The following MPDZ variants were observed in gnomAD, a reference collection of about 807,000 sequenced individuals.
MPDZ encodes multiple PDZ domain crumbs cell polarity complex component.
Under a neutral mutation model 239.1 loss-of-function variants are expected in MPDZ, and 234 were observed. The observed-to-expected ratio is 0.98, with a 90% confidence interval of 0.88 to 1.09. The LOEUF (loss-of-function observed/expected upper bound fraction) is 1.09, where lower values mean the gene tolerates loss of function less well. Among genes scored for constraint, MPDZ ranks in the 50% least tolerant of loss-of-function variants. The pLI, the probability that MPDZ is intolerant of heterozygous loss-of-function variation, is 0.00. For synonymous variants in MPDZ, 1,048 were observed against 881.3 expected (o/e 1.19, Z -3.35); for missense variants, 3,175 against 2,510.0 (o/e 1.26, Z -5.66).
chr9:13,109,110 T>A, intron 45 of MPDZ, 51 bp from the exon 46 acceptor site: 8 of 1,221,744 alleles, frequency 6.5e-6, no homozygotes, highest in Non-Finnish European at 7.4e-6. Context: ...AAAAAAACTA[T>A]ACATATATGT....
chr9:13,212,291 C>T (rs1425447858), intron 10 of MPDZ, among the ~76,000 whole-genome samples: 1 of 151,988 alleles, frequency 6.6e-6, no homozygotes, highest in Non-Finnish European at 1.5e-5. Context: ...ATGGAACAGT[C>T]ATGAACTTTT....
At chr9:13,141,391 T>C (rs1255259751) in intron 27 of MPDZ, among the ~76,000 whole-genome samples, 1 of 152,148 alleles carries the variant, frequency 6.6e-6, no homozygotes, top group Admixed American at 6.5e-5. Flanking sequence ...CATTATATCA[T>C]GTTGTCTCCT....
chr9:13,176,817 T>C (rs941111694), intron 19 of MPDZ, among the ~76,000 whole-genome samples: 3 of 152,266 alleles, frequency 2.0e-5, no homozygotes, highest in African/African-American at 7.2e-5. Context: ...AAGTTCCCAT[T>C]TATTATGAGC....
intron 24 of MPDZ, among the ~76,000 whole-genome samples, chr9:13,154,754 T>C (rs1949618518): frequency 6.6e-6 from 1 of 152,092 alleles, no homozygotes; most frequent in Admixed American, 6.6e-5. Flanking sequence ...AATGAGCAAA[T>C]GTTCACCCTA....
At chr9:13,177,029 C>T (rs983420865) in intron 19 of MPDZ, among the ~76,000 whole-genome samples, 4 of 152,064 alleles carry the variant, frequency 2.6e-5, no homozygotes, top group Non-Finnish European at 5.9e-5. Flanking sequence ...AAAATGTATG[C>T]TCTAAATCCA....
At chr9:13,195,203 G>A (rs1955492091) in intron 13 of MPDZ, among the ~76,000 whole-genome samples, 1 of 152,082 alleles carries the variant, frequency 6.6e-6, no homozygotes, top group Admixed American at 6.6e-5. Context: ...CAGGAGAAAA[G>A]TTTGAGCCCT....
intron 17 of MPDZ, among the ~76,000 whole-genome samples, chr9:13,187,519 G>A (rs1031085091): frequency 2.6e-5 from 4 of 151,940 alleles, no homozygotes; most frequent in Non-Finnish European, 4.4e-5. Context: ...TTACAAGCCT[G>A]GTTCGATTTC....
rs1954745637 is a variant in MPDZ, at chr9:13,190,406, C to T, written c.1969-107G>A. On this transcript the variant is annotated intron_variant, in intron 15 of 46. Coordinates refer to ENST00000319217, the MANE Select transcript of MPDZ (RefSeq NM_001378778.1). ...CCCAGCATCTGTCCAAACAAAACATCCTCAAACAAGAGTAGCAACAGCTTT... is the reference window on the plus strand; with the variant it reads ...CCCAGCATCTGTCCAAACAAAACATTCTCAAACAAGAGTAGCAACAGCTTT... 14 of 980,340 alleles carry T rather than the reference C, an allele frequency of 1.4e-5. No homozygotes were observed. In the South Asian group the frequency reaches 6.0e-4, roughly 42 times the overall value. The allele number at this position is 980,340 out of a possible 1,614,324, so 60.7% of individuals were successfully genotyped here.
chr9:13,146,549 C>A (rs1948459440), intron 26 of MPDZ, among the ~76,000 whole-genome samples: 1 of 152,020 alleles, frequency 6.6e-6, no homozygotes, highest in Non-Finnish European at 1.5e-5. Context: ...TTAAAGACAA[C>A]CAACCCTAAA....
chr9:13,107,082 T>G lies in MPDZ; in HGVS notation c.6096A>C (p.Lys2032Asn). 1 of 1,583,470 alleles carries G rather than the reference T, an allele frequency of 6.3e-7. No homozygotes were observed. Among genetic ancestry groups the G allele is most frequent in the Non-Finnish European group, 8.6e-7 (1 of 1,156,662 alleles). ...TGACAGCAATGATCTGATCGCCCCT[T>G]TTCAGACGTCCGTCTTCAGAGGCTG... is the stretch of plus-strand genomic sequence containing the variant. The part of the protein sequence containing the change: ...KGAASEDGRL[K>N]RGDQIIAVNG... The change falls in exon 47 of 47, where the codon AAA becomes AAC. Residue 2032 changes from lysine (K) to asparagine (N), a missense_variant. Coordinates refer to ENST00000319217, the MANE Select transcript of MPDZ (RefSeq NM_001378778.1).
chr9:13,196,895 A>G (rs1014381694), intron 12 of MPDZ, among the ~76,000 whole-genome samples: 3 of 151,962 alleles, frequency 2.0e-5, no homozygotes, highest in Admixed American at 1.3e-4. Flanking sequence ...AAAGATTTCC[A>G]TATTTCATAA....
rs774006158 is a variant in MPDZ, at chr9:13,190,204, T to C, written c.2064A>G (p.Gln688=). Residue 688 remains glutamine (Q), a synonymous_variant, in exon 16 of 47, where the codon CAA becomes CAG. Coordinates refer to ENST00000319217, the MANE Select transcript of MPDZ (RefSeq NM_001378778.1). ...CAGCCTCCCACATGGCCAAAGGTGC[T>C]TGAACCTCTTCTGTACTCTGACCCG... is the stretch of plus-strand genomic sequence containing the variant. ...TDAGQSTEEV[Q]APLAMWEAGI... 11 of 1,613,156 alleles carry C rather than the reference T, an allele frequency of 6.8e-6. No individual in the cohort carries two copies. The highest frequency in any genetic ancestry group is 4.0e-5 in the African/African-American group (3 of 74,922).
intron 26 of MPDZ, among the ~76,000 whole-genome samples, chr9:13,144,190 G>A (rs888919997): frequency 1.3e-5 from 2 of 151,930 alleles, no homozygotes; most frequent in African/African-American, 4.8e-5. Flanking sequence ...AGTTTTTGTG[G>A]AGGTAGAAAC....
chr9:13,241,621 C>T (rs1965425436), intron 3 of MPDZ, among the ~76,000 whole-genome samples: 2 of 152,162 alleles, frequency 1.3e-5, no homozygotes, highest in African/African-American at 2.4e-5. Flanking sequence ...GAAACACAGG[C>T]ACTTCTGCTC....
intron 42 of MPDZ, 120 bp from the exon 43 acceptor site, chr9:13,112,266 A>G: frequency 9.8e-7 from 1 of 1,016,048 alleles, no homozygotes; most frequent in Non-Finnish European, 1.4e-6. Flanking sequence ...GGGAAAATGA[A>G]GAAGTGCAAG....
chr9:13,227,477 C>G (rs950993288), intron 3 of MPDZ, among the ~76,000 whole-genome samples: 1 of 151,822 alleles, frequency 6.6e-6, no homozygotes, highest in East Asian at 1.9e-4. Context: ...TTGTGACAGC[C>G]TGAGGATCCC....
intron 2 of MPDZ, 91 bp from the exon 3 acceptor site, chr9:13,247,892 A>G (rs1966850971): frequency 2.4e-6 from 3 of 1,240,134 alleles, no homozygotes; most frequent in African/African-American, 3.0e-5. Context: ...TTCTAAAACT[A>G]TTTCTATTGA....
At chr9:13,276,213 T>C (rs747913056) in intron 1 of MPDZ, among the ~76,000 whole-genome samples, 41 of 152,290 alleles carry the variant, frequency 2.7e-4, no homozygotes, top group South Asian at 1.7e-3. Context: ...ACTACATGAA[T>C]ACCTCGGATC....
chr9:13,144,732 G>A lies in MPDZ; in HGVS notation c.3742-1168C>T, dbSNP rs571841126. ...CTCTTCTTGCAATGTTTTTCCTACA[G>A]AGGGAAGACAGGAAAAAGAAATGGG... On this transcript the variant is annotated intron_variant, in intron 26 of 46. Transcript: ENST00000319217. Among the ~76,000 whole-genome samples, 18 of 152,168 alleles carry A rather than the reference G, an allele frequency of 1.2e-4. No individual in the cohort carries two copies. In the South Asian group the frequency reaches 3.7e-3, roughly 32 times the overall value.
Sources: allele counts gnomAD v4.1 joint callset (sites outside exome capture counted in the v4.1 genomes callset), GRCh38; gene constraint gnomAD v4.1.1; transcripts MANE v1.5; gene names NCBI Gene and HGNC (gene_info 2026-07-23, HGNC 2026-07-21).